MOSMO: variants seen among roughly 807,000 people sequenced by gnomAD.
MOSMO encodes the protein modulator of smoothened.
A neutral mutation model predicts 18.4 loss-of-function variants in MOSMO; 5 were observed. The ratio of observed to expected loss-of-function variants is 0.27; its 90% confidence interval spans 0.14 to 0.57. The LOEUF (loss-of-function observed/expected upper bound fraction) is 0.57. Ranked by LOEUF, MOSMO falls within the 20% of genes least tolerant of loss-of-function variation. The pLI is 0.92. For synonymous variants in MOSMO, 82 were observed against 82.3 expected (o/e 1.00, Z 0.02); for missense variants, 138 against 211.8 (o/e 0.65, Z 2.16).
chr16:22,013,168 C>A (rs1324363598), intron 1 of MOSMO, among the ~76,000 whole-genome samples: 1 of 152,094 alleles, frequency 6.6e-6, no homozygotes, highest in Admixed American at 6.5e-5. Context: ...ACTTTGACAT[C>A]CATTACTTGA....
rs1223929879 is a variant in MOSMO at position 22,036,031 on chromosome 16, G to A, written c.106+27624G>A. ...GTTCTAATAATGTTTTAAAGAATTT[G>A]TTTTTGCGCTTAATTGCTCTAGATG... is the stretch of plus-strand genomic sequence containing the variant. On this transcript the variant is annotated intron_variant, in intron 1 of 2. Coordinates refer to ENST00000542527, the MANE Select transcript of MOSMO (RefSeq NM_001164579.2). Among the ~76,000 whole-genome samples the A allele has an allele frequency of 2.0e-5, 3 of 152,224 alleles. No individual in the cohort carries two copies. In the East Asian group the frequency reaches 5.8e-4, roughly 29 times the overall value.
At chr16:22,034,741 TG>T (rs1900069493) in intron 1 of MOSMO, among the ~76,000 whole-genome samples, 3 of 140,194 alleles carry the variant, frequency 2.1e-5, no homozygotes, top group African/African-American at 7.9e-5. Context: ...TTTGTTTTTT[TG>T]GGTTTTTTTT....
chr16:22,039,530 G>A (rs1189765992), intron 1 of MOSMO, among the ~76,000 whole-genome samples: 1 of 152,104 alleles, frequency 6.6e-6, no homozygotes, highest in Non-Finnish European at 1.5e-5. Context: ...CATTAGTAGG[G>A]TATCTTTAAA....
intron 2 of MOSMO, among the ~76,000 whole-genome samples, chr16:22,077,897 G>A (rs1277566064): frequency 6.6e-6 from 1 of 152,072 alleles, no homozygotes; most frequent in Non-Finnish European, 1.5e-5. Flanking sequence ...TTCTGAGAGG[G>A]ATTGGGCGCC....
chr16:22,014,179 C>T (rs1052204631), intron 1 of MOSMO, among the ~76,000 whole-genome samples: 54 of 152,054 alleles, frequency 3.6e-4, no homozygotes, highest in African/African-American at 1.3e-3. Context: ...ATCACATATG[C>T]CCATTTTCTC....
At chr16:22,036,027 A>G (rs1900101431) in intron 1 of MOSMO, among the ~76,000 whole-genome samples, 1 of 152,192 alleles carries the variant, frequency 6.6e-6, no homozygotes, top group Admixed American at 6.5e-5. Flanking sequence ...GTTTTAAAGA[A>G]TTTGTTTTTG....
chr16:22,077,627 T>C (rs543395782), intron 2 of MOSMO, among the ~76,000 whole-genome samples: 1 of 152,298 alleles, frequency 6.6e-6, no homozygotes, highest in Admixed American at 6.5e-5. Flanking sequence ...TCTACTGTTC[T>C]GTATCTTGGT....
rs199921661 is a variant in MOSMO at position 22,081,064 on chromosome 16, T to TAAA, written c.*199_*201dup. The TAAA allele has an allele frequency of 2.7e-3, 480 of 177,122 alleles. No individual in the cohort carries two copies. Among genetic ancestry groups the TAAA allele is most frequent in the African/African-American group, 9.1e-3 (347 of 38,090 alleles). The allele number at this position is 177,122 out of a possible 1,614,324, so 11.0% of individuals were successfully genotyped here. A position where few individuals can be genotyped will look rare whatever the true frequency, so the allele number is the denominator to read the frequency against. ...TTGTTCTCACTATGCACTTTGGATTTAAAAAAAAAAAAAAAAAGGAGAGCC... is the reference window on the plus strand; with the variant it reads ...TTGTTCTCACTATGCACTTTGGATTTAAAAAAAAAAAAAAAAAAAAGGAGAGCC... On this transcript the variant is annotated 3_prime_UTR_variant, in exon 3 of 3. Transcript: ENST00000542527.
At chr16:22,018,185 G>T (rs1201582903) in intron 1 of MOSMO, among the ~76,000 whole-genome samples, 1 of 152,092 alleles carries the variant, frequency 6.6e-6, no homozygotes, top group Non-Finnish European at 1.5e-5. Context: ...ATATAGATCT[G>T]TTCAACTAGG....
chr16:22,077,869 G>A (rs1901000867), intron 2 of MOSMO, among the ~76,000 whole-genome samples: 2 of 152,066 alleles, frequency 1.3e-5, no homozygotes, highest in South Asian at 2.1e-4. Flanking sequence ...GTACCAGAAC[G>A]AGTGGCTGGG....
intron 1 of MOSMO, among the ~76,000 whole-genome samples, chr16:22,052,337 T>C (rs1375401223): frequency 6.6e-6 from 1 of 152,188 alleles, no homozygotes; most frequent in Non-Finnish European, 1.5e-5. Flanking sequence ...TAAGTAAAAT[T>C]GCCAGGCACA....
At chr16:22,016,625 A>C (rs1039722132) in intron 1 of MOSMO, among the ~76,000 whole-genome samples, 4 of 152,154 alleles carry the variant, frequency 2.6e-5, no homozygotes, top group Non-Finnish European at 4.4e-5. Context: ...GAGGTTTTCT[A>C]AGTGAAAGAC....
chr16:22,058,292 G>A (rs1310685493), intron 1 of MOSMO, among the ~76,000 whole-genome samples: 1 of 152,098 alleles, frequency 6.6e-6, no homozygotes, highest in African/African-American at 2.4e-5. Flanking sequence ...CGGGCGTGAT[G>A]GCGTGCTCCT....
Position 22,083,585 on chromosome 16 carries a change from T to C in MOSMO, c.*2705T>C, listed in dbSNP as rs11861611. 3 of 439,282 alleles carry C rather than the reference T, an allele frequency of 6.8e-6. No homozygotes were observed. The Admixed American group carries it at 8.3e-5, about 12-fold the overall frequency. 27.2% of individuals were successfully genotyped at this position (439,282 alleles called of 1,614,324 possible). A position where few individuals can be genotyped will look rare whatever the true frequency, so the allele number is the denominator to read the frequency against. Reference sequence around the variant, plus strand: ...TACTATATAGTACAGTATTAATTTATAGCAGGAAATCGTATCTTGTAAACT... The same window carrying C: ...TACTATATAGTACAGTATTAATTTACAGCAGGAAATCGTATCTTGTAAACT... On this transcript the variant is annotated 3_prime_UTR_variant, in exon 3 of 3. Coordinates refer to ENST00000542527, the MANE Select transcript of MOSMO (RefSeq NM_001164579.2).
At chr16:22,064,378 A>C (rs990798427) in intron 1 of MOSMO, 1 of 456,444 alleles carries the variant, frequency 2.2e-6, no homozygotes, top group East Asian at 6.9e-5. Flanking sequence ...CAAACCATGG[A>C]GGTTATTCAT....
Position 22,084,518 on chromosome 16 carries a change from G to T in MOSMO, c.*3638G>T, listed in dbSNP as rs1901136640. On this transcript the variant is annotated 3_prime_UTR_variant, in exon 3 of 3. Transcript: ENST00000542527. The stretch of plus-strand genomic sequence containing the variant: ...TTTATTAAGAATTGTTTTCTAATTG[G>T]TTATAACATTTTTCAATTAATAGTT... 6.6e-6 allele frequency: 1 copy of T among 152,008 alleles called. No individual in the cohort carries two copies. Among genetic ancestry groups the T allele is most frequent in the African/African-American group, 2.4e-5 (1 of 41,374 alleles). 9.4% of individuals were successfully genotyped at this position (152,008 alleles called of 1,614,324 possible).
At chr16:22,075,260 A>G (rs1485900244) in intron 1 of MOSMO, 2 of 641,676 alleles carry the variant, frequency 3.1e-6, no homozygotes, top group Non-Finnish European at 5.8e-6. Context: ...ACTGCCTGTT[A>G]TGACTTTTCT....
chr16:22,020,214 C>A (rs1224334868), intron 1 of MOSMO, among the ~76,000 whole-genome samples: 1 of 144,576 alleles, frequency 6.9e-6, no homozygotes, highest in Non-Finnish European at 1.5e-5. Context: ...AACTCCATCT[C>A]CAAAAAAAAA....
intron 1 of MOSMO, among the ~76,000 whole-genome samples, chr16:22,014,912 A>G (rs1254033062): frequency 6.6e-6 from 1 of 152,220 alleles, no homozygotes; most frequent in Non-Finnish European, 1.5e-5. Context: ...GCCTATTTCC[A>G]GTAAATTTTT....
Sources: allele counts gnomAD v4.1 joint callset (sites outside exome capture counted in the v4.1 genomes callset), GRCh38; gene constraint gnomAD v4.1.1; transcripts MANE v1.5; gene names NCBI Gene and HGNC (gene_info 2026-07-23, HGNC 2026-07-21).